The following SOX5 variants were observed in gnomAD, a reference collection of about 807,000 sequenced individuals.
The protein encoded by SOX5 is SRY-box transcription factor 5.
SOX5 carries 9 observed loss-of-function variants against 92.0 expected under a neutral mutation model. The ratio of observed to expected loss-of-function variants is 0.10; its 90% CI spans 0.06 to 0.17. The LOEUF (loss-of-function observed/expected upper bound fraction) is 0.17. Among genes scored for constraint, SOX5 ranks in the 10% least tolerant of loss-of-function variants. SOX5 has a pLI of 1.00. For missense variants in SOX5, 642 were observed against 944.5 expected, an observed-to-expected ratio of 0.68 and a Z score of 4.20; for synonymous variants, 344 against 336.3, an observed-to-expected ratio of 1.02 and a Z score of -0.25.
At chr12:24,512,229 G>A (rs1949389722) in intron 1 of SOX5, among the ~76,000 whole-genome samples, 1 of 152,182 alleles carries the variant, frequency 6.6e-6, no homozygotes, top group Non-Finnish European at 1.5e-5. Context: ...CTGTTAAGAT[G>A]TCTTACATTT....
At chr12:24,002,748 A>C (rs1951734316) in intron 4 of SOX5, among the ~76,000 whole-genome samples, 1 of 152,124 alleles carries the variant, frequency 6.6e-6, no homozygotes, top group Non-Finnish European at 1.5e-5. Flanking sequence ...TTTATCATTT[A>C]GAGAGGAAAC....
At chr12:24,389,457 A>G (rs549024644) in intron 1 of SOX5, among the ~76,000 whole-genome samples, 1 of 152,334 alleles carries the variant, frequency 6.6e-6, no homozygotes, top group African/African-American at 2.4e-5. Context: ...GTACATGTGC[A>G]AGATATGCAG....
At chr12:23,927,343 A>G (rs1467314389) in intron 1 of SOX5, among the ~76,000 whole-genome samples, 1 of 151,728 alleles carries the variant, frequency 6.6e-6, no homozygotes, top group African/African-American at 2.4e-5. Flanking sequence ...TACTAAAGCC[A>G]CTCCTCATTC....
intron 1 of SOX5, among the ~76,000 whole-genome samples, chr12:24,487,254 G>C (rs1340271440): frequency 6.6e-6 from 1 of 152,118 alleles, no homozygotes; most frequent in East Asian, 1.9e-4. Flanking sequence ...ATTAGTCTTT[G>C]AAAACACTGT....
intron 4 of SOX5, among the ~76,000 whole-genome samples, chr12:24,082,974 T>G (rs940398885): frequency 6.6e-6 from 1 of 152,004 alleles, no homozygotes; most frequent in South Asian, 2.1e-4. Flanking sequence ...CTCAGTTATG[T>G]TGGTCACGCT....
intron 4 of SOX5, among the ~76,000 whole-genome samples, chr12:23,753,415 T>A (rs1054046709): frequency 6.6e-6 from 1 of 151,696 alleles, no homozygotes; most frequent in Admixed American, 6.6e-5. Flanking sequence ...GCAAACTGGC[T>A]AATATAAATG....
intron 8 of SOX5, among the ~76,000 whole-genome samples, chr12:23,627,606 C>T (rs574694234): frequency 4.9e-4 from 75 of 151,990 alleles, no homozygotes; most frequent in Non-Finnish European, 9.7e-4. Flanking sequence ...TCATTTAATC[C>T]TCACAACACC....
chr12:23,805,392 A>G (rs1319855991), intron 3 of SOX5, among the ~76,000 whole-genome samples: 2 of 152,088 alleles, frequency 1.3e-5, no homozygotes, highest in African/African-American at 4.8e-5. Context: ...GCAAGGATTA[A>G]AAGTGCTAAA....
chr12:24,159,755 C>T (rs1952561173), intron 4 of SOX5, among the ~76,000 whole-genome samples: 4 of 151,980 alleles, frequency 2.6e-5, no homozygotes, highest in Admixed American at 2.0e-4. Flanking sequence ...TCATTCAACA[C>T]TCAAATATGA....
chr12:23,966,747 T>A (rs1379610716), intron 4 of SOX5, among the ~76,000 whole-genome samples: 1 of 152,164 alleles, frequency 6.6e-6, no homozygotes, highest in Non-Finnish European at 1.5e-5. Context: ...AATACTTATC[T>A]TGCAAAGATG....
At chr12:23,627,367 G>T (rs561466082) in intron 8 of SOX5, among the ~76,000 whole-genome samples, 1 of 152,104 alleles carries the variant, frequency 6.6e-6, no homozygotes, top group South Asian at 2.1e-4. Flanking sequence ...TGAGGACTTG[G>T]CTTCCAAAGG....
At chr12:24,238,345 C>T (rs1441507120) in intron 3 of SOX5, among the ~76,000 whole-genome samples, 2 of 152,108 alleles carry the variant, frequency 1.3e-5, no homozygotes, top group African/African-American at 4.8e-5. Flanking sequence ...GCACTAGGCA[C>T]TTCACAAGAG....
At chr12:24,117,864 A>T (rs1453424705) in intron 4 of SOX5, among the ~76,000 whole-genome samples, 1 of 151,936 alleles carries the variant, frequency 6.6e-6, no homozygotes, top group East Asian at 1.9e-4. Flanking sequence ...TACTAAAAAT[A>T]CAAAAATTAG....
chr12:23,644,675 T>A (rs913869248), intron 7 of SOX5, among the ~76,000 whole-genome samples: 1 of 152,180 alleles, frequency 6.6e-6, no homozygotes, highest in Non-Finnish European at 1.5e-5. Context: ...AAACCTATGA[T>A]ACAGGAGAGA....
chr12:23,654,958 A>G (rs906007656), intron 7 of SOX5, among the ~76,000 whole-genome samples: 2 of 152,084 alleles, frequency 1.3e-5, no homozygotes, highest in African/African-American at 2.4e-5. Flanking sequence ...AACTATTTTC[A>G]ATAAGAGATT....
intron 8 of SOX5, among the ~76,000 whole-genome samples, chr12:23,623,700 A>G (rs2077438496): frequency 1.3e-5 from 2 of 152,152 alleles, no homozygotes; most frequent in Non-Finnish European, 2.9e-5. Context: ...ACATACAAAA[A>G]TATACTCAAC....
Position 24,383,401 on chromosome 12 carries a change from C to A in SOX5, c.-250-14762G>T, listed in dbSNP as rs969577614. 2.0e-5 allele frequency among the ~76,000 whole-genome samples: 3 copies of A among 152,170 alleles called. No individual in the cohort carries two copies. The East Asian group carries it at 5.8e-4, about 29-fold the overall frequency. ...GTCCACATATGTAGTTACATGGGTCCTCCCTTATCCATGATTTTGCTTTCT... is the reference window on the plus strand; with the variant it reads ...GTCCACATATGTAGTTACATGGGTCATCCCTTATCCATGATTTTGCTTTCT... On this transcript the variant is annotated intron_variant, in intron 1 of 4. Coordinates refer to the SOX5 transcript ENST00000446891.
chr12:23,990,492 G>A (rs1476816261), intron 4 of SOX5, among the ~76,000 whole-genome samples: 4 of 152,048 alleles, frequency 2.6e-5, no homozygotes, highest in Non-Finnish European at 4.4e-5. Context: ...TGTGTTATAC[G>A]CAGGCTATTG....
At chr12:24,347,178 C>T (rs1030768406) in intron 2 of SOX5, among the ~76,000 whole-genome samples, 1 of 152,152 alleles carries the variant, frequency 6.6e-6, no homozygotes, top group Non-Finnish European at 1.5e-5. Context: ...CTTGCATTTG[C>T]CATGCACCAA....
Sources: allele counts gnomAD v4.1 joint callset (sites outside exome capture counted in the v4.1 genomes callset), GRCh38; gene constraint gnomAD v4.1.1; transcripts MANE v1.5; gene names NCBI Gene and HGNC (gene_info 2026-07-23, HGNC 2026-07-21).